Variants in SEC14L5 observed in about 807,000 individuals in gnomAD.
SEC14L5 encodes SEC14 like lipid binding 5.
Under a neutral mutation model 84.6 loss-of-function variants are expected in SEC14L5, and 96 were observed. That is an observed-to-expected ratio of 1.13 (90% CI 0.96 to 1.34). The LOEUF is 1.34. Among genes scored for constraint, SEC14L5 ranks in the 40% most tolerant of loss-of-function variants. The probability of loss-of-function intolerance (pLI) is 0.00; values close to 1 mark genes in which losing one functional copy is unlikely to be tolerated. For synonymous variants in SEC14L5, 546 were observed against 383.4 expected (o/e 1.42, Z -4.95); for missense variants, 1,224 against 942.5 (o/e 1.30, Z -3.91).
At chr16:4,997,291 GGTTTTGCCATTTT>G (rs2142513836) in intron 8 of SEC14L5, among the ~76,000 whole-genome samples, 1 of 152,296 alleles carries the variant, frequency 6.6e-6, no homozygotes, top group South Asian at 2.1e-4. Flanking sequence ...GTAGAGATGA[GGTTTTGCCATTTT>G]GACCAGGCTG....
intron 2 of SEC14L5, among the ~76,000 whole-genome samples, chr16:4,967,878 A>AT: frequency 6.7e-6 from 1 of 149,956 alleles, no homozygotes; most frequent in Non-Finnish European, 1.5e-5. Flanking sequence ...AAGTGCTGTG[A>AT]TTACAGGCGT....
At chr16:5,010,901 A>C in intron 14 of SEC14L5, 194 bp from the exon 15 acceptor site, 1 of 581,018 alleles carries the variant, frequency 1.7e-6, no homozygotes. Context: ...CTCTGGTCCC[A>C]GGGATATGGG....
chr16:4,963,735 C>A (rs1017580151), intron 2 of SEC14L5, among the ~76,000 whole-genome samples: 1 of 152,194 alleles, frequency 6.6e-6, no homozygotes, highest in African/African-American at 2.4e-5. Context: ...CTCACTGCAG[C>A]CTTGAACTCC....
At chr16:5,000,405 T>TG (rs754112440) in intron 8 of SEC14L5, among the ~76,000 whole-genome samples, 4 of 152,244 alleles carry the variant, frequency 2.6e-5, no homozygotes, top group Non-Finnish European at 4.4e-5. Flanking sequence ...CCCAAAATGC[T>TG]GGGGTAATAG....
chr16:5,003,882 T>C (rs1955704229), intron 11 of SEC14L5, among the ~76,000 whole-genome samples: 1 of 152,228 alleles, frequency 6.6e-6, no homozygotes, highest in South Asian at 2.1e-4. Flanking sequence ...TGCCTTGGCT[T>C]CCCAAAGTGT....
chr16:4,998,011 T>C (rs1314137783), intron 8 of SEC14L5, among the ~76,000 whole-genome samples: 1 of 150,638 alleles, frequency 6.6e-6, no homozygotes, highest in African/African-American at 2.5e-5. Context: ...TTCTTTTTTT[T>C]TTTTTTTTTT....
intron 5 of SEC14L5, among the ~76,000 whole-genome samples, chr16:4,991,591 A>C (rs1955553976): frequency 6.6e-6 from 1 of 151,880 alleles, no homozygotes; most frequent in Non-Finnish European, 1.5e-5. Context: ...AAACAAAAAC[A>C]ACCCCCAACC....
chr16:5,010,912 G>GA, intron 14 of SEC14L5, 183 bp from the exon 15 acceptor site: 1 of 613,406 alleles, frequency 1.6e-6, no homozygotes, highest in South Asian at 2.1e-5. Context: ...GGGATATGGG[G>GA]ATAATAGCAA....
chr16:4,997,087 C>T (rs957345263), intron 8 of SEC14L5, 43 bp downstream of exon 8: 8 of 1,437,092 alleles, frequency 5.6e-6, no homozygotes, highest in Admixed American at 2.2e-5. Context: ...ATACTTTGGT[C>T]ACTGCCAAAT....
chr16:5,001,539 G>A lies in SEC14L5; in HGVS notation c.1130+614G>A, dbSNP rs144873254. 5.9e-3 allele frequency among the ~76,000 whole-genome samples: 893 copies of A among 152,174 alleles called. 6 individuals carry two copies. Among genetic ancestry groups the A allele is most frequent in the African/African-American group, 0.021 (853 of 41,520 alleles). ...CTCCCAAAGTGCTGGGATTACAGGC[G>A]TGAGCCACCACTCACAGCCTGACTT... On this transcript the variant is annotated intron_variant, in intron 10 of 15. Coordinates refer to ENST00000251170, the MANE Select transcript of SEC14L5 (RefSeq NM_014692.2).
chr16:4,986,686 T>C (rs1955490562), intron 2 of SEC14L5, among the ~76,000 whole-genome samples: 1 of 152,242 alleles, frequency 6.6e-6, no homozygotes, highest in Admixed American at 6.5e-5. Flanking sequence ...TTTCCATTTA[T>C]TTAGGGCTTT....
At position 5,015,769 on chromosome 16, in the gene SEC14L5, TA is replaced by T. The variant is rs1264257440; in HGVS notation, c.*801del. 6.6e-6 allele frequency: 1 copy of T among 152,296 alleles called. No homozygotes were observed. Among genetic ancestry groups the T allele is most frequent in the Non-Finnish European group, 1.5e-5 (1 of 68,054 alleles). The allele number at this position is 152,296 out of a possible 1,614,324, so 9.4% of individuals were successfully genotyped here. A position where few individuals can be genotyped will look rare whatever the true frequency, so the allele number is the denominator to read the frequency against. On this transcript the variant is annotated 3_prime_UTR_variant, in exon 16 of 16. Coordinates refer to ENST00000251170, the MANE Select transcript of SEC14L5 (RefSeq NM_014692.2). ...TATCAAGATGTGCTTGGTGAGCAGT[TA>T]AGTGAGTTACAGGCGCTGCTCTTTG...
intron 2 of SEC14L5, among the ~76,000 whole-genome samples, chr16:4,967,570 T>G (rs997946465): frequency 2.4e-5 from 3 of 127,096 alleles, no homozygotes; most frequent in Non-Finnish European, 3.3e-5. Flanking sequence ...TCGTTTTTTT[T>G]TTTTTTTTTT....
At chr16:4,959,506 C>A in intron 2 of SEC14L5, 120 bp downstream of exon 2, 1 of 845,120 alleles carries the variant, frequency 1.2e-6, no homozygotes, top group Non-Finnish European at 2.0e-6. Flanking sequence ...GTGAGTTACT[C>A]AGCTGACCTG....
chr16:5,014,336 C>A (rs896859358), intron 15 of SEC14L5, among the ~76,000 whole-genome samples: 2 of 152,116 alleles, frequency 1.3e-5, no homozygotes, highest in East Asian at 1.9e-4. Flanking sequence ...ATCTCCTGAT[C>A]CCAGGAGTTT....
chr16:4,959,415 A>G (rs1463524973), intron 2 of SEC14L5, 29 bp downstream of exon 2: 1 of 1,604,702 alleles, frequency 6.2e-7, no homozygotes, highest in Non-Finnish European at 8.5e-7. Flanking sequence ...TTGGGCCCCC[A>G]TGTGACAGTT....
At chr16:5,007,288 T>C in intron 12 of SEC14L5, 64 bp from the exon 13 acceptor site, 2 of 1,539,238 alleles carry the variant, frequency 1.3e-6, no homozygotes, top group Non-Finnish European at 1.8e-6. Context: ...ATCACCCTTC[T>C]GTGGGTCAGG....
intron 2 of SEC14L5, among the ~76,000 whole-genome samples, chr16:4,972,734 C>G (rs538088717): frequency 1.3e-5 from 2 of 151,946 alleles, no homozygotes; most frequent in South Asian, 4.1e-4. Flanking sequence ...ATCTGTTCAT[C>G]TGTTGATGGA....
chr16:5,006,770 C>A lies in SEC14L5; in HGVS notation c.1438-582C>A, dbSNP rs1037104048. 3.9e-5 allele frequency among the ~76,000 whole-genome samples: 6 copies of A among 152,330 alleles called. No homozygotes were observed. The East Asian group carries it at 1.2e-3, about 29-fold the overall frequency. ...ATTTTTAGCAAACGGTTCTGCAGAT[C>A]TGAGAGTGGCTTATGGAAAGACACT... On this transcript the variant is annotated intron_variant, in intron 12 of 15. Transcript: ENST00000251170.
Sources: allele counts gnomAD v4.1 joint callset (sites outside exome capture counted in the v4.1 genomes callset), GRCh38; gene constraint gnomAD v4.1.1; transcripts MANE v1.5; gene names NCBI Gene and HGNC (gene_info 2026-07-23, HGNC 2026-07-21).